Variants in STAT4 observed in about 807,000 individuals in gnomAD.
STAT4 encodes signal transducer and activator of transcription 4.
A neutral mutation model predicts 110.5 loss-of-function variants in STAT4; 42 were observed. The observed-to-expected ratio is 0.38, with a 90% CI of 0.30 to 0.49. The LOEUF (loss-of-function observed/expected upper bound fraction) is 0.49, where lower values mean the gene tolerates loss of function less well. STAT4 is among the 20% of genes least tolerant of loss of function. STAT4 has a pLI of 0.95. For synonymous variants in STAT4, 284 were observed against 302.2 expected, an observed-to-expected ratio of 0.94 and a Z score of 0.63; for missense variants, 632 against 887.9, an observed-to-expected ratio of 0.71 and a Z score of 3.66.
chr2:191,058,041 G>T lies in STAT4; in HGVS notation c.1183C>A (p.Leu395Ile). Residue 395 changes from leucine to isoleucine, a missense_variant, in exon 13 of 24, where the codon CTC becomes ATC. Leu to Ile is a conservative substitution (Grantham distance 5). Around this residue, in one of 4 missense-constraint regions of STAT4, gnomAD observed 488 missense variants for 632.8 expected, o/e 0.77. Transcript: ENST00000392320. The surrounding 1 kb of genome is among the most constrained non-coding windows in gnomAD (Gnocchi z 4.3). ...MSIEESSNGS[L>I]SVEFRHLQPK... ...ACCAAATGTCGAAATTCTACTGAGA[G>T]ACTCCCATTGGAAGATTCTTCAATA... 1 of 1,613,990 alleles carries T rather than the reference G, an allele frequency of 6.2e-7. No homozygotes were observed. The highest frequency in any genetic ancestry group is 1.1e-5 in the South Asian group (1 of 91,070).
chr2:191,114,181 T>C, intron 3 of STAT4, among the ~76,000 whole-genome samples: 1 of 152,220 alleles, frequency 6.6e-6, no homozygotes, highest in East Asian at 1.9e-4. Context: ...TGTTATAGTA[T>C]TCAATACTCA....
chr2:191,093,169 G>A (rs534242073), intron 3 of STAT4, among the ~76,000 whole-genome samples: 1 of 152,334 alleles, frequency 6.6e-6, no homozygotes, highest in African/African-American at 2.4e-5. Context: ...GAACAACCCT[G>A]TCTGACAGCT....
chr2:191,054,596 G>T, intron 13 of STAT4, 62 bp from the exon 14 acceptor site: 2 of 1,466,638 alleles, frequency 1.4e-6, no homozygotes, highest in East Asian at 4.6e-5. Flanking sequence ...TATTAAGTTG[G>T]TCGTACCTGT....
At position 191,144,541 on chromosome 2, in the gene STAT4, G is replaced by A. The variant is rs778904467; in HGVS notation, c.273+2072C>T. Among the ~76,000 whole-genome samples the A allele has an allele frequency of 1.3e-5, 2 of 152,048 alleles. No individual in the cohort carries two copies. Among genetic ancestry groups the A allele is most frequent in the African/African-American group, 2.4e-5 (1 of 41,406 alleles). ...GGTCTAAAGAGGAAAGATGCTAGAG[G>A]GCCAATTAACACATGCAGATGAGTT... On this transcript the variant is annotated intron_variant, in intron 3 of 23. Coordinates refer to ENST00000392320, the MANE Select transcript of STAT4 (RefSeq NM_003151.4). The surrounding 1 kb of genome is among the most constrained non-coding windows in gnomAD (Gnocchi z 4.7).
In STAT4 at chr2:191,073,184, GA is replaced by G; in HGVS notation, c.378del (p.Leu127Ter). 4 of 1,613,764 alleles carry G rather than the reference GA, an allele frequency of 2.5e-6. No homozygotes were observed. The highest frequency in any genetic ancestry group is 3.4e-6 in the Non-Finnish European group (4 of 1,179,804). ...GAAGAACTTTGTAAGGATTTCTCTA[GA>G]GGCCCCTGGAAAAAGAATGTCTTGA... ...LAAANMPVQG[P>X]LEKSLQSSSV... On this transcript the variant is annotated frameshift_variant, in exon 5 of 24. Coordinates refer to ENST00000392320, the MANE Select transcript of STAT4 (RefSeq NM_003151.4). LOFTEE classifies it high-confidence loss of function.
At chr2:191,071,963 G>A (rs1375447406) in intron 5 of STAT4, among the ~76,000 whole-genome samples, 2 of 152,140 alleles carry the variant, frequency 1.3e-5, no homozygotes, top group African/African-American at 4.8e-5. Flanking sequence ...CCAACTTGAG[G>A]CAAGATGTCG....
chr2:191,078,946 A>G (rs1342961014), intron 3 of STAT4, among the ~76,000 whole-genome samples: 2 of 152,204 alleles, frequency 1.3e-5, no homozygotes, highest in East Asian at 3.9e-4. Context: ...GCTTGTTAAT[A>G]ATGAGAGTTT....
chr2:191,132,639 T>C (rs1290337441), intron 3 of STAT4, among the ~76,000 whole-genome samples: 4 of 151,688 alleles, frequency 2.6e-5, no homozygotes. Flanking sequence ...GAACGAGAAG[T>C]GGAAGCAAAT....
chr2:191,079,500 T>C (rs960143702), intron 3 of STAT4, among the ~76,000 whole-genome samples: 4 of 152,058 alleles, frequency 2.6e-5, no homozygotes, highest in African/African-American at 9.7e-5. Context: ...TTTTTGTATA[T>C]TGATTTTGAA....
At position 191,073,137 on chromosome 2, in the gene STAT4, A is replaced by G; in HGVS notation, c.426T>C (p.Asn142=). The G allele has an allele frequency of 1.2e-6, 2 of 1,614,012 alleles. No individual in the cohort carries two copies. The highest frequency in any genetic ancestry group is 1.3e-5 in the African/African-American group (1 of 75,044). The change falls in exon 5 of 24, where the codon AAT becomes AAC. Residue 142 remains asparagine (N), a synonymous_variant. Transcript: ENST00000392320. ...QSSSVSERQR[N]VEHKVAAIKN... is the part of the protein sequence containing the mutation. ...TAATGGCAGCCACTTTGTGCTCCAC[A>G]TTCCTCTGTCTTTCTGAAACTGAAG...
rs547391276 is a variant in STAT4, at chr2:191,078,613, A to G, written c.274-2288T>C. Reference sequence around the variant, plus strand: ...GACATACTCATATTTACCTTTCAGCAGTTACTAAGTACGTGAACCTCAAAA... The same window carrying G: ...GACATACTCATATTTACCTTTCAGCGGTTACTAAGTACGTGAACCTCAAAA... On this transcript the variant is annotated intron_variant, in intron 3 of 23. Transcript: ENST00000392320. Among the ~76,000 whole-genome samples, 7 of 152,296 alleles carry G rather than the reference A, an allele frequency of 4.6e-5. No individual in the cohort carries two copies. The South Asian group carries it at 1.4e-3, about 32-fold the overall frequency.
rs1257237851 is a variant in STAT4 at position 191,086,546 on chromosome 2, C to T, written c.274-10221G>A. On this transcript the variant is annotated intron_variant, in intron 3 of 23. Transcript: ENST00000392320. This position sits in a 1 kb window ranked among gnomAD's most constrained non-coding sequence, Gnocchi z 5.5. Reference sequence around the variant, plus strand: ...TAAAACTTACTGTGCAAATAAATTACTCCTGCTATGATGTTGTCTTTAGTA... The same window carrying T: ...TAAAACTTACTGTGCAAATAAATTATTCCTGCTATGATGTTGTCTTTAGTA... Among the ~76,000 whole-genome samples, 2 of 152,100 alleles carry T rather than the reference C, an allele frequency of 1.3e-5. No homozygotes were observed. Among genetic ancestry groups the T allele is most frequent in the Non-Finnish European group, 2.9e-5 (2 of 68,016 alleles).
At position 191,060,048 on chromosome 2, in the gene STAT4, A is replaced by G. The variant is rs1193009291; in HGVS notation, c.1035-1279T>C. Among the ~76,000 whole-genome samples the G allele has an allele frequency of 1.3e-5, 2 of 152,166 alleles. No homozygotes were observed. Among genetic ancestry groups the G allele is most frequent in the Non-Finnish European group, 2.9e-5 (2 of 68,022 alleles). ...GAAAACCTTGAGTAAAGGATCACCT[A>G]TCAAGATGGTGGGGAATAGGGTGCA... On this transcript the variant is annotated intron_variant, in intron 10 of 23. Transcript: ENST00000392320. The surrounding 1 kb of genome is among the most constrained non-coding windows in gnomAD (Gnocchi z 4.5).
At position 191,147,822 on chromosome 2, in the gene STAT4, T is replaced by C. The variant is rs1417993230; in HGVS notation, c.128+254A>G. 6.6e-6 allele frequency among the ~76,000 whole-genome samples: 1 copy of C among 152,172 alleles called. No individual in the cohort carries two copies. The highest frequency in any genetic ancestry group is 1.5e-5 in the Non-Finnish European group (1 of 68,030). Reference sequence around the variant, plus strand: ...TCAATTGATTTGCTTCTTTTTTTAATACATGAAAAATTATTTGGGTTTTTG... The same window carrying C: ...TCAATTGATTTGCTTCTTTTTTTAACACATGAAAAATTATTTGGGTTTTTG... On this transcript the variant is annotated intron_variant, in intron 2 of 23. Transcript: ENST00000392320. This position sits in a 1 kb window ranked among gnomAD's most constrained non-coding sequence, Gnocchi z 4.1.
At chr2:191,105,068 C>A (rs1698240476) in intron 3 of STAT4, among the ~76,000 whole-genome samples, 2 of 152,208 alleles carry the variant, frequency 1.3e-5, no homozygotes, top group Admixed American at 1.3e-4. Flanking sequence ...TTTAAATCCC[C>A]ATATAATAAA....
upstream of STAT4, chr2:191,151,485 C>G (rs1699589302): frequency 1.0e-6 from 1 of 985,476 alleles, no homozygotes. The surrounding 1 kb of genome is among the most constrained non-coding windows in gnomAD (Gnocchi z 4.7). Context: ...GGTCCGCTCA[C>G]TCCGACGAGG....
intron 3 of STAT4, among the ~76,000 whole-genome samples, chr2:191,096,134 A>G (rs1458954457): frequency 2.6e-5 from 4 of 152,204 alleles, no homozygotes; most frequent in Non-Finnish European, 4.4e-5. Context: ...TTAATAGCCT[A>G]CCAACCAAAA....
rs192777706 is a variant in STAT4, at chr2:191,051,834, C to T, written c.1251+2656G>A. 1.4e-3 allele frequency among the ~76,000 whole-genome samples: 213 copies of T among 152,332 alleles called. 1 individual carries two copies. Among genetic ancestry groups the T allele is most frequent in the Admixed American group, 0.011 (161 of 15,306 alleles). ...TCTTGGCCCTGCCATCAACTGCCCC[C>T]ACTATCTTGAGTAAGCTGTGTGACC... On this transcript the variant is annotated intron_variant, in intron 14 of 23. Coordinates refer to ENST00000392320, the MANE Select transcript of STAT4 (RefSeq NM_003151.4). This position sits in a 1 kb window ranked among gnomAD's most constrained non-coding sequence, Gnocchi z 5.6.
intron 3 of STAT4, among the ~76,000 whole-genome samples, chr2:191,094,871 G>A (rs1697918383): frequency 7.4e-6 from 1 of 135,530 alleles, no homozygotes; most frequent in Non-Finnish European, 1.5e-5. Flanking sequence ...ACACATACAG[G>A]CTCAAAATAA....
Sources: allele counts gnomAD v4.1 joint callset (sites outside exome capture counted in the v4.1 genomes callset), GRCh38; gene constraint gnomAD v4.1.1; regional missense constraint gnomAD v4.1.1; non-coding constraint Gnocchi (gnomAD v3.1); transcripts MANE v1.5; gene names NCBI Gene and HGNC (gene_info 2026-07-23, HGNC 2026-07-21).